Variants in PCDH9 observed in about 807,000 individuals in gnomAD.
The protein encoded by PCDH9 is protocadherin-9.
PCDH9 carries 24 observed loss-of-function variants against 70.6 expected under a neutral mutation model. The observed-to-expected ratio is 0.34, with a 90% CI of 0.25 to 0.48. The LOEUF (loss-of-function observed/expected upper bound fraction) is 0.48. Among genes scored for constraint, PCDH9 ranks in the 20% least tolerant of loss-of-function variants. The pLI is 0.99. For missense variants in PCDH9, 1,281 were observed against 1,503.6 expected (o/e 0.85, Z 2.45); for synonymous variants, 562 against 558.5 (o/e 1.01, Z -0.09).
chr13:66,863,910 A>G (rs889049383), intron 3 of PCDH9, among the ~76,000 whole-genome samples: 1 of 152,008 alleles, frequency 6.6e-6, no homozygotes, highest in Non-Finnish European at 1.5e-5. Flanking sequence ...GGTTTAGTTG[A>G]CTCACAGTTC....
At chr13:67,034,092 C>G (rs916814094) in intron 2 of PCDH9, among the ~76,000 whole-genome samples, 3 of 152,146 alleles carry the variant, frequency 2.0e-5, no homozygotes, top group African/African-American at 7.2e-5. Context: ...TCAAGCGATT[C>G]TCCTGCCTCA....
At chr13:66,537,996 T>C (rs1960779680) in intron 4 of PCDH9, among the ~76,000 whole-genome samples, 1 of 152,102 alleles carries the variant, frequency 6.6e-6, no homozygotes, top group African/African-American at 2.4e-5. Flanking sequence ...AAATCAAAAA[T>C]TCATTACAGG....
At chr13:66,645,849 G>C (rs1241051467) in intron 3 of PCDH9, among the ~76,000 whole-genome samples, 3 of 152,068 alleles carry the variant, frequency 2.0e-5, no homozygotes, top group Non-Finnish European at 4.4e-5. Flanking sequence ...AAATGAAATA[G>C]GTATTATGAA....
At chr13:66,876,634 C>A (rs1003558397) in intron 3 of PCDH9, among the ~76,000 whole-genome samples, 9 of 151,994 alleles carry the variant, frequency 5.9e-5, no homozygotes, top group African/African-American at 2.2e-4. Flanking sequence ...TGTCTGTAGC[C>A]TAATTCATAG....
chr13:67,073,662 A>AT (rs1020667930), intron 2 of PCDH9, among the ~76,000 whole-genome samples: 1 of 152,008 alleles, frequency 6.6e-6, no homozygotes, highest in Non-Finnish European at 1.5e-5. Flanking sequence ...ACTTTTGAGG[A>AT]TTTTTTGAAG....
At chr13:66,554,203 T>TA (rs1006257299) in intron 4 of PCDH9, among the ~76,000 whole-genome samples, 1 of 151,892 alleles carries the variant, frequency 6.6e-6, no homozygotes, top group Non-Finnish European at 1.5e-5. Context: ...TCTAACCATC[T>TA]AAAAAAAATC....
chr13:66,427,112 AAAC>A (rs370432958), intron 4 of PCDH9, among the ~76,000 whole-genome samples: 1 of 151,764 alleles, frequency 6.6e-6, no homozygotes, highest in African/African-American at 2.4e-5. Flanking sequence ...CACATGAATG[AAAC>A]AACATTAAAT....
chr13:66,631,632 G>A (rs1464159068), intron 3 of PCDH9, among the ~76,000 whole-genome samples: 4 of 152,074 alleles, frequency 2.6e-5, no homozygotes, highest in Admixed American at 6.6e-5. Context: ...TATAATTCAC[G>A]ACCTTAAAAC....
intron 4 of PCDH9, among the ~76,000 whole-genome samples, chr13:66,432,688 T>C (rs1449727307): frequency 6.6e-6 from 1 of 151,900 alleles, no homozygotes; most frequent in East Asian, 1.9e-4. Context: ...CAATCTCTGG[T>C]CCACTACCTC....
At chr13:67,120,075 A>G (rs921578860) in intron 2 of PCDH9, among the ~76,000 whole-genome samples, 1 of 151,942 alleles carries the variant, frequency 6.6e-6, no homozygotes, top group Admixed American at 6.6e-5. Context: ...AAATATATTG[A>G]AATTTCTGAA....
In PCDH9 at chr13:66,418,812, GAA is replaced by G. The variant is rs570880854; in HGVS notation, c.3341-113786_3341-113785del. Among the ~76,000 whole-genome samples the G allele has an allele frequency of 2.5e-3, 325 of 131,106 alleles. 4 individuals carry two copies. Among genetic ancestry groups the G allele is most frequent in the African/African-American group, 8.2e-3 (309 of 37,664 alleles). The allele number at this position is 131,106 out of a possible 152,430, so 86.0% of individuals were successfully genotyped here. ...CAATGAATCCAGGAGCTGGTTTTTT[GAA>G]AAGTTTAACAAAATAGATAGACCGC... On this transcript the variant is annotated intron_variant, in intron 4 of 4. Transcript: ENST00000377865.
chr13:66,810,540 C>T (rs985518661), intron 3 of PCDH9, among the ~76,000 whole-genome samples: 12 of 151,920 alleles, frequency 7.9e-5, no homozygotes, highest in Non-Finnish European at 1.6e-4. Flanking sequence ...CAGGTAGTTA[C>T]TCAATATTAG....
At chr13:66,557,057 T>G (rs1187363639) in intron 4 of PCDH9, among the ~76,000 whole-genome samples, 1 of 152,168 alleles carries the variant, frequency 6.6e-6, no homozygotes, top group Non-Finnish European at 1.5e-5. Context: ...CTTTACAAAT[T>G]ACAAAGGAGC....
chr13:66,435,061 C>A (rs2044299), intron 4 of PCDH9, among the ~76,000 whole-genome samples: 139,601 of 152,180 alleles, frequency 0.92, 64,790 homozygotes, highest in Non-Finnish European at 0.98. Context: ...CAAGGAAATC[C>A]TAAAGGTGCA....
chr13:67,093,563 A>AT (rs2086261524), intron 2 of PCDH9, among the ~76,000 whole-genome samples: 1 of 152,204 alleles, frequency 6.6e-6, no homozygotes, highest in Non-Finnish European at 1.5e-5. Flanking sequence ...CAGATTTTAG[A>AT]TAAAAACAGT....
chr13:66,504,210 CACGT>C (rs2138567854), intron 4 of PCDH9, among the ~76,000 whole-genome samples: 1 of 152,290 alleles, frequency 6.6e-6, no homozygotes, highest in East Asian at 1.9e-4. Flanking sequence ...CTACTGAACC[CACGT>C]GTACCTTAGG....
intron 4 of PCDH9, among the ~76,000 whole-genome samples, chr13:66,550,088 A>G (rs1161326159): frequency 6.6e-6 from 1 of 152,128 alleles, no homozygotes; most frequent in Non-Finnish European, 1.5e-5. Flanking sequence ...TTTTTCAGTG[A>G]AGAGCACAGA....
chr13:67,127,712 G>T (rs949794082), intron 2 of PCDH9, among the ~76,000 whole-genome samples: 1 of 151,062 alleles, frequency 6.6e-6, no homozygotes, highest in Non-Finnish European at 1.5e-5. Flanking sequence ...ATGTGTGTGT[G>T]TGTACATATG....
At chr13:67,090,563 G>T (rs560054877) in intron 2 of PCDH9, among the ~76,000 whole-genome samples, 3 of 151,576 alleles carry the variant, frequency 2.0e-5, no homozygotes, top group East Asian at 3.9e-4. Flanking sequence ...AGTGAATAAA[G>T]AATATTGTTA....
Sources: gnomAD v4.1 joint callset for allele counts (sites outside exome capture counted in the v4.1 genomes callset) on GRCh38, gnomAD v4.1.1 for gene constraint, MANE v1.5 for transcripts, NCBI Gene and HGNC (gene_info 2026-07-23, HGNC 2026-07-21) for gene names.